Variants in SUCO observed in about 807,000 individuals in gnomAD.
SUCO encodes SUN domain containing ossification factor, also known as SUN domain-containing ossification factor.
In SUCO, 57 loss-of-function variants were observed where a neutral mutation model predicts 148.1. That is an observed-to-expected ratio of 0.38 (90% CI 0.31 to 0.48). SUCO has a LOEUF of 0.48. SUCO is among the 20% of genes least tolerant of loss of function. The pLI is 0.96. For missense variants in SUCO, 1,331 were observed against 1,468.2 expected, an observed-to-expected ratio of 0.91 and a Z score of 1.53; for synonymous variants, 470 against 502.7, an observed-to-expected ratio of 0.93 and a Z score of 0.87.
chr1:172,554,489 A>G (rs1233887637), intron 3 of SUCO, among the ~76,000 whole-genome samples: 1 of 152,184 alleles, frequency 6.6e-6, no homozygotes, highest in Non-Finnish European at 1.5e-5. Flanking sequence ...TAATTAAAAA[A>G]TAGCATGTAG....
chr1:172,608,699 A>G (rs1658011526), intron 22 of SUCO, 48 bp from the exon 23 acceptor site: 1 of 1,284,296 alleles, frequency 7.8e-7, no homozygotes, highest in Non-Finnish European at 1.1e-6. Context: ...CAAATCCACC[A>G]AATCCACTTT....
At chr1:172,598,481 G>A (rs987892366) in intron 19 of SUCO, among the ~76,000 whole-genome samples, 2 of 152,156 alleles carry the variant, frequency 1.3e-5, no homozygotes, top group Non-Finnish European at 2.9e-5. Flanking sequence ...TACCAAAATT[G>A]AATCTTGATT....
chr1:172,566,292 C>A (rs556366767), intron 6 of SUCO, among the ~76,000 whole-genome samples: 1 of 152,306 alleles, frequency 6.6e-6, no homozygotes, highest in South Asian at 2.1e-4. Flanking sequence ...TCTCATTGTC[C>A]CTTGCTGTTT....
chr1:172,595,624 T>C (rs562717902), intron 19 of SUCO, among the ~76,000 whole-genome samples: 12 of 152,348 alleles, frequency 7.9e-5, no homozygotes, highest in South Asian at 2.1e-4. Flanking sequence ...TTCTGACTTG[T>C]AGAGTTTCTG....
rs1249730330 is a variant in SUCO, at chr1:172,589,257, T to C, written c.2156T>C (p.Val719Ala). The C allele has an allele frequency of 6.2e-7, 1 of 1,613,782 alleles. No individual in the cohort carries two copies. The highest frequency in any genetic ancestry group is 2.2e-5 in the East Asian group (1 of 44,884). The change falls in exon 18 of 24, where the codon GTT (valine) becomes GCT (alanine). Residue 719 changes from valine to alanine, a missense_variant. Transcript: ENST00000263688. ...TTGGTGAATCACACTGTAGATGCAG[T>C]TGAACTTGAACCAAGCCATTCTCAA... ...DDLVNHTVDA[V>A]ELEPSHSQTL...
At chr1:172,582,672 A>G (rs1210531959) in intron 15 of SUCO, among the ~76,000 whole-genome samples, 1 of 152,150 alleles carries the variant, frequency 6.6e-6, no homozygotes, top group Non-Finnish European at 1.5e-5. Flanking sequence ...ATGTGTTTAG[A>G]TACAAATTGA....
In SUCO at chr1:172,564,654, CA is replaced by C. The variant is rs1654429090; in HGVS notation, c.733-4363del. Among the ~76,000 whole-genome samples, 5 of 151,594 alleles carry C rather than the reference CA, an allele frequency of 3.3e-5. No individual in the cohort carries two copies. The South Asian group carries it at 8.3e-4, about 25-fold the overall frequency. ...CCCAATCTCAGGTTGTTCTTTACAG[CA>C]ATGTGAGAATGGACTAATACGTTGT... On this transcript the variant is annotated intron_variant, in intron 6 of 23. Transcript: ENST00000263688.
intron 19 of SUCO, among the ~76,000 whole-genome samples, chr1:172,599,039 A>T (rs530319380): frequency 1.3e-5 from 2 of 152,350 alleles, no homozygotes; most frequent in South Asian, 2.1e-4. Context: ...TAGATATTTC[A>T]TATAAGGTCC....
chr1:172,589,616 G>A lies in SUCO; in HGVS notation c.2515G>A (p.Gly839Arg). 1 of 1,613,882 alleles carries A rather than the reference G, an allele frequency of 6.2e-7. No individual in the cohort carries two copies. Among genetic ancestry groups the A allele is most frequent in the Non-Finnish European group, 8.5e-7 (1 of 1,179,906 alleles). The change falls in exon 18 of 24, where the codon GGG becomes AGG. Residue 839 changes from glycine (G) to arginine (R), a missense_variant. Gly to Arg is a moderately radical substitution (Grantham distance 125). Around this residue, in one of 3 missense-constraint regions of SUCO, gnomAD observed 992 missense variants for 1,093.5 expected, o/e 0.91. Coordinates refer to ENST00000263688, the MANE Select transcript of SUCO (RefSeq NM_014283.5). ...NTATVPDNED[G>R]EAKMNIADTA... ...AGCCACTGTACCCGACAATGAAGAT[G>A]GGGAAGCCAAAATGAATATAGCTGA... is the stretch of plus-strand genomic sequence containing the variant.
intron 9 of SUCO, among the ~76,000 whole-genome samples, chr1:172,571,167 T>C (rs920201077): frequency 6.6e-6 from 1 of 152,258 alleles, no homozygotes; most frequent in Admixed American, 6.5e-5. Flanking sequence ...TGCCTGATTC[T>C]CCTGCCTCAG....
At chr1:172,608,117 C>T (rs1657976196) in intron 22 of SUCO, 3 of 979,888 alleles carry the variant, frequency 3.1e-6, no homozygotes, top group Non-Finnish European at 3.6e-6. Context: ...TGGGCTAAAA[C>T]TAATAAATCT....
intron 15 of SUCO, among the ~76,000 whole-genome samples, chr1:172,584,757 C>T (rs572529851): frequency 6.6e-6 from 1 of 152,258 alleles, no homozygotes; most frequent in East Asian, 1.9e-4. Flanking sequence ...GCCTGGGCAA[C>T]AGAGCAAGAC....
At chr1:172,554,287 T>C (rs1310831165) in intron 3 of SUCO, among the ~76,000 whole-genome samples, 2 of 152,226 alleles carry the variant, frequency 1.3e-5, no homozygotes, top group Non-Finnish European at 2.9e-5. Flanking sequence ...TGAACACTCC[T>C]ACCGTTATTC....
chr1:172,541,591 G>T lies in SUCO; in HGVS notation c.62+8094G>T, dbSNP rs531829543. Among the ~76,000 whole-genome samples, 7 of 152,336 alleles carry T rather than the reference G, an allele frequency of 4.6e-5. No individual in the cohort carries two copies. In the South Asian group the frequency reaches 1.2e-3, roughly 27 times the overall value. On this transcript the variant is annotated intron_variant, in intron 1 of 23. Transcript: ENST00000263688. ...GGTAAATGATTTAATTTTGTGAAAG[G>T]TTGGCAAGCTGGCAGTAGTGCAGTG... is the stretch of plus-strand genomic sequence containing the variant.
intron 6 of SUCO, chr1:172,568,363 T>A: frequency 1.1e-6 from 1 of 916,492 alleles, no homozygotes. Flanking sequence ...TAATAATAAT[T>A]CTTTGTTGAC....
intron 9 of SUCO, among the ~76,000 whole-genome samples, chr1:172,571,370 G>A (rs1042917774): frequency 2.6e-5 from 4 of 152,158 alleles, no homozygotes; most frequent in Admixed American, 1.3e-4. Flanking sequence ...GCTCAATGGT[G>A]CCCAGGCTGG....
intron 15 of SUCO, among the ~76,000 whole-genome samples, chr1:172,583,238 G>C (rs1444358873): frequency 6.6e-6 from 1 of 152,100 alleles, no homozygotes; most frequent in Admixed American, 6.5e-5. Context: ...TCATACCGCA[G>C]CATCTCTTTA....
intron 9 of SUCO, among the ~76,000 whole-genome samples, chr1:172,571,484 G>A (rs1422596825): frequency 3.3e-5 from 5 of 151,236 alleles, no homozygotes; most frequent in South Asian, 2.1e-4. Context: ...CCGCCACCCC[G>A]TCTGGGAAGT....
intron 18 of SUCO, chr1:172,590,518 T>A (rs551793323): frequency 3.3e-4 from 74 of 226,642 alleles, no homozygotes; most frequent in Non-Finnish European, 4.7e-4. Flanking sequence ...CCTCTGTGTG[T>A]CCATTGTCTG....
Sources: allele counts gnomAD v4.1 joint callset (sites outside exome capture counted in the v4.1 genomes callset), GRCh38; gene constraint gnomAD v4.1.1; regional missense constraint gnomAD v4.1.1; transcripts MANE v1.5; gene names NCBI Gene and HGNC (gene_info 2026-07-23, HGNC 2026-07-21).